DYM: variants seen among roughly 807,000 people sequenced by gnomAD.
DYM encodes dyggve-Melchior-Clausen syndrome protein.
DYM carries 78 observed loss-of-function variants against 93.1 expected under a neutral mutation model. The observed-to-expected ratio is 0.84, with a 90% CI of 0.70 to 1.01. The LOEUF (loss-of-function observed/expected upper bound fraction) is 1.01. Ranked by LOEUF, DYM falls within the 50% of genes least tolerant of loss-of-function variation. The probability of loss-of-function intolerance (pLI) is 0.00; values close to 1 mark genes in which losing one functional copy is unlikely to be tolerated. For synonymous variants in DYM, 321 were observed against 319.7 expected, an observed-to-expected ratio of 1.00 and a Z score of -0.04; for missense variants, 789 against 845.0, an observed-to-expected ratio of 0.93 and a Z score of 0.82.
At chr18:49,441,248 ATT>A (rs2081527681) in intron 1 of DYM, among the ~76,000 whole-genome samples, 1 of 39,858 alleles carries the variant, frequency 2.5e-5, no homozygotes, top group African/African-American at 1.0e-4. Flanking sequence ...TATACATAAT[ATT>A]GTTATATATA....
At chr18:49,134,055 T>C (rs2083613310) in intron 15 of DYM, among the ~76,000 whole-genome samples, 1 of 152,112 alleles carries the variant, frequency 6.6e-6, no homozygotes, top group African/African-American at 2.4e-5. Context: ...ACAGGATGGA[T>C]TGATTGATTG....
chr18:49,161,752 C>T (rs1299655509), intron 15 of DYM, among the ~76,000 whole-genome samples: 2 of 152,258 alleles, frequency 1.3e-5, no homozygotes, highest in Non-Finnish European at 2.9e-5. Context: ...CCCACACACA[C>T]ACGAGAAAAA....
At chr18:49,409,056 A>T (rs904233858) in intron 2 of DYM, among the ~76,000 whole-genome samples, 1 of 152,162 alleles carries the variant, frequency 6.6e-6, no homozygotes, top group Admixed American at 6.5e-5. Context: ...AGGCCGAGGC[A>T]GGTGGATCAC....
intron 16 of DYM, among the ~76,000 whole-genome samples, chr18:49,107,242 G>C (rs1267123641): frequency 6.6e-6 from 1 of 152,166 alleles, no homozygotes; most frequent in Non-Finnish European, 1.5e-5. Flanking sequence ...CTCGTTCCTT[G>C]GTTTTCAGCT....
intron 6 of DYM, among the ~76,000 whole-genome samples, chr18:49,345,855 C>T (rs1329862948): frequency 6.6e-6 from 1 of 152,072 alleles, no homozygotes; most frequent in African/African-American, 2.4e-5. Flanking sequence ...AAAGATACAA[C>T]AGAGGCGGCA....
chr18:49,355,748 G>A (rs887949121), intron 6 of DYM, among the ~76,000 whole-genome samples: 2 of 151,736 alleles, frequency 1.3e-5, no homozygotes, highest in African/African-American at 4.8e-5. Context: ...TTTTAATTCT[G>A]TACTTTCTGC....
intron 17 of DYM, among the ~76,000 whole-genome samples, chr18:49,086,719 G>A (rs879626693): frequency 3.3e-5 from 5 of 152,120 alleles, no homozygotes; most frequent in Non-Finnish European, 5.9e-5. Context: ...AGGGCTGGGC[G>A]CGGTGGCTCT....
Position 49,181,422 on chromosome 18 carries a change from AT to A in DYM, c.1626-17636del, listed in dbSNP as rs551389916. ...CACAAACCAGCTGGTTTATAATAGA[AT>A]TGTCCAGAGTCCCCACAATACAGGT... On this transcript the variant is annotated intron_variant, in intron 14 of 17. Coordinates refer to ENST00000675505, the MANE Select transcript of DYM (RefSeq NM_001353214.3). Among the ~76,000 whole-genome samples the A allele has an allele frequency of 2.7e-3, 412 of 152,204 alleles. 1 individual carries two copies. The highest frequency in any genetic ancestry group is 9.6e-3 in the African/African-American group (398 of 41,542).
chr18:49,127,196 T>TG (rs2143920716), intron 15 of DYM, among the ~76,000 whole-genome samples: 1 of 152,294 alleles, frequency 6.6e-6, no homozygotes, highest in African/African-American at 2.4e-5. Context: ...CTCCAAAAAA[T>TG]GGGCATACTT....
chr18:49,041,330 T>C lies in DYM; in HGVS notation c.*2725A>G, dbSNP rs1269874775. 3 of 152,248 alleles carry C rather than the reference T, an allele frequency of 2.0e-5. No individual in the cohort carries two copies. The highest frequency in any genetic ancestry group is 2.9e-5 in the Non-Finnish European group (2 of 68,044). 9.4% of individuals were successfully genotyped at this position (152,248 alleles called of 1,614,324 possible). ...AGTCTTTGTTGATAAAATGACACAA[T>C]GCAGTAACAGCTTCAGATCTGGGGT... On this transcript the variant is annotated 3_prime_UTR_variant, in exon 18 of 18. Coordinates refer to ENST00000675505, the MANE Select transcript of DYM (RefSeq NM_001353214.3).
intron 2 of DYM, among the ~76,000 whole-genome samples, chr18:49,413,381 C>G (rs902023654): frequency 3.3e-5 from 5 of 152,324 alleles, no homozygotes; most frequent in East Asian, 3.9e-4. Flanking sequence ...ATCTGACAAA[C>G]AGTGAGCTCA....
chr18:49,368,089 C>T (rs75383961), intron 5 of DYM, among the ~76,000 whole-genome samples: 2,875 of 152,292 alleles, frequency 0.019, 47 homozygotes, highest in Middle Eastern at 0.044. Flanking sequence ...AAGTGATCTG[C>T]ATTTCAGTGC....
chr18:49,431,866 T>C (rs1367706105), intron 1 of DYM: 1 of 152,190 alleles, frequency 6.6e-6, no homozygotes, highest in Admixed American at 6.5e-5. Flanking sequence ...GAGATAGAAA[T>C]ACTGATCTGG....
chr18:49,311,154 C>A (rs929948691), intron 8 of DYM, among the ~76,000 whole-genome samples: 6 of 152,100 alleles, frequency 3.9e-5, no homozygotes, highest in African/African-American at 1.2e-4. Context: ...ACAACAGGAC[C>A]GAAGCCACAG....
chr18:49,225,083 T>C (rs1311766542), intron 13 of DYM, among the ~76,000 whole-genome samples: 3 of 152,150 alleles, frequency 2.0e-5, no homozygotes, highest in Admixed American at 6.5e-5. Flanking sequence ...AAAAATACCA[T>C]TGATTAAAAC....
chr18:49,317,551 TTCTCTCTCTC>T (rs796373730), intron 8 of DYM, among the ~76,000 whole-genome samples: 3 of 29,354 alleles, frequency 1.0e-4, no homozygotes, highest in Admixed American at 5.4e-4. Context: ...CCATCTAGAT[TTCTCTCTCTC>T]TCTCTCTCTC....
Position 49,257,037 on chromosome 18 carries a change from T to C in DYM, c.1433A>G (p.His478Arg), listed in dbSNP as rs376581531. ...ANMSAQFRSL[H>R]QYAAQRIISY... ...GATGATCCTCTGGGCAGCATACTGA[T>C]GGAGAGAACGAAACTGTGCCGACAT... is the stretch of plus-strand genomic sequence containing the variant. Residue 478 changes from histidine to arginine, a missense_variant, in exon 13 of 18, where the codon CAT becomes CGT. Physicochemically the swap from His to Arg is conservative, Grantham distance 29. Transcript: ENST00000675505. The C allele has an allele frequency of 1.3e-5, 21 of 1,613,816 alleles. No homozygotes were observed. The highest frequency in any genetic ancestry group is 1.7e-5 in the Non-Finnish European group (20 of 1,179,860).
chr18:49,219,387 C>T (rs1407189202), intron 13 of DYM, among the ~76,000 whole-genome samples: 11 of 152,198 alleles, frequency 7.2e-5, no homozygotes, highest in South Asian at 2.1e-4. Context: ...AAAGAGGGAA[C>T]CCTCCCTAAC....
chr18:49,209,497 G>A, intron 14 of DYM, 54 bp downstream of exon 14: 2 of 1,122,422 alleles, frequency 1.8e-6, no homozygotes, highest in South Asian at 1.7e-5. Flanking sequence ...ACATGCAATT[G>A]TCAGTCATAT....
Sources: allele counts gnomAD v4.1 joint callset (sites outside exome capture counted in the v4.1 genomes callset), GRCh38; gene constraint gnomAD v4.1.1; transcripts MANE v1.5; gene names NCBI Gene and HGNC (gene_info 2026-07-23, HGNC 2026-07-21).